Variants in CCSER1 observed in about 807,000 individuals in gnomAD.
The protein encoded by CCSER1 is serine-rich coiled-coil domain-containing protein 1.
CCSER1 carries 41 observed loss-of-function variants against 82.0 expected under a neutral mutation model. The ratio of observed to expected loss-of-function variants is 0.50; its 90% CI spans 0.39 to 0.65. The LOEUF (loss-of-function observed/expected upper bound fraction) is 0.65, where lower values mean the gene tolerates loss of function less well. Ranked by LOEUF, CCSER1 falls within the 30% of genes least tolerant of loss-of-function variation. The pLI, the probability that CCSER1 is intolerant of heterozygous loss-of-function variation, is 0.00. For synonymous variants in CCSER1, 414 were observed against 383.9 expected (o/e 1.08, Z -0.92); for missense variants, 1,119 against 1,064.2 (o/e 1.05, Z -0.72).
At chr4:90,181,063 C>T (rs900836435) in intron 1 of CCSER1, among the ~76,000 whole-genome samples, 2 of 152,062 alleles carry the variant, frequency 1.3e-5, no homozygotes, top group African/African-American at 4.8e-5. Context: ...ACATTCAAAA[C>T]ATTTAGAAAA....
At chr4:90,874,973 G>T (rs1767011077) in intron 8 of CCSER1, among the ~76,000 whole-genome samples, 1 of 152,134 alleles carries the variant, frequency 6.6e-6, no homozygotes, top group South Asian at 2.1e-4. Flanking sequence ...TTGAATCTGG[G>T]AGGCGGAGGT....
intron 1 of CCSER1, among the ~76,000 whole-genome samples, chr4:90,131,247 C>T (rs1020391551): frequency 2.0e-5 from 3 of 152,356 alleles, no homozygotes; most frequent in East Asian, 1.9e-4. Context: ...TTGATCCACT[C>T]TCCTCGGCCT....
At position 90,923,382 on chromosome 4, in the gene CCSER1, C is replaced by T. The variant is rs1728662460; in HGVS notation, c.2107C>T (p.His703Tyr). The change falls in exon 9 of 11, where the codon CAT becomes TAT. Residue 703 changes from histidine (H) to tyrosine (Y), a missense_variant. His to Tyr is a moderately conservative substitution (Grantham distance 83, BLOSUM62 2). Transcript: ENST00000509176. The part of the protein sequence containing the change: ...QLQEELGKVR[H>Y]LQKAFASRVD... Reference sequence around the variant, plus strand: ...TTTCATTTTGCAGGGAAAAGTCCGGCATTTACAGAAGGCTTTTGCTTCAAG... The same window carrying T: ...TTTCATTTTGCAGGGAAAAGTCCGGTATTTACAGAAGGCTTTTGCTTCAAG... 6.4e-7 allele frequency: 1 copy of T among 1,551,292 alleles called. No individual in the cohort carries two copies. Among genetic ancestry groups the T allele is most frequent in the South Asian group, 1.2e-5 (1 of 84,052 alleles).
intron 1 of CCSER1, among the ~76,000 whole-genome samples, chr4:90,228,323 C>A (rs1743659841): frequency 6.6e-6 from 1 of 152,180 alleles, no homozygotes; most frequent in South Asian, 2.1e-4. Context: ...CCCCTGACCC[C>A]CGAGCAGCCT....
chr4:91,598,446 T>G, intron 10 of CCSER1, 126 bp from the exon 11 acceptor site: 1 of 988,638 alleles, frequency 1.0e-6, no homozygotes, highest in Non-Finnish European at 1.4e-6. Flanking sequence ...ATTGTATTGA[T>G]AATTTTATAA....
intron 6 of CCSER1, among the ~76,000 whole-genome samples, chr4:90,669,013 A>G (rs554176390): frequency 3.3e-5 from 5 of 152,218 alleles, no homozygotes; most frequent in Non-Finnish European, 7.4e-5. Context: ...AAGTCCAAGA[A>G]GAGAGAGATT....
intron 10 of CCSER1, among the ~76,000 whole-genome samples, chr4:91,490,186 T>C (rs1017249253): frequency 2.0e-5 from 3 of 152,128 alleles, no homozygotes; most frequent in African/African-American, 7.2e-5. Flanking sequence ...GTGTGAAGCT[T>C]CCTCAAACAA....
intron 3 of CCSER1, among the ~76,000 whole-genome samples, chr4:90,343,481 A>T (rs952758599): frequency 1.3e-5 from 2 of 152,178 alleles, no homozygotes; most frequent in South Asian, 2.1e-4. Context: ...GCTGGGTGGT[A>T]GTGGAGCGCG....
intron 10 of CCSER1, among the ~76,000 whole-genome samples, chr4:91,140,480 T>C (rs1728918575): frequency 6.6e-6 from 1 of 152,130 alleles, no homozygotes; most frequent in African/African-American, 2.4e-5. Flanking sequence ...ATATTTTGGC[T>C]ATTAGAATAT....
intron 10 of CCSER1, among the ~76,000 whole-genome samples, chr4:91,208,036 AG>A (rs1487307338): frequency 1.3e-5 from 2 of 151,896 alleles, no homozygotes; most frequent in Non-Finnish European, 2.9e-5. Flanking sequence ...TCTTTTTAAA[AG>A]TGTCTGTTCA....
At chr4:90,932,962 GAA>G (rs1431900677) in intron 9 of CCSER1, among the ~76,000 whole-genome samples, 383 of 34,814 alleles carry the variant, frequency 0.011, 72 homozygotes, top group African/African-American at 0.032. Context: ...AAGAAAGAAA[GAA>G]AGAAAGAAAG....
At chr4:91,511,196 G>A (rs1173585026) in intron 10 of CCSER1, among the ~76,000 whole-genome samples, 1 of 152,014 alleles carries the variant, frequency 6.6e-6, no homozygotes, top group African/African-American at 2.4e-5. Flanking sequence ...CTCTGTTTCA[G>A]TACTAGTACC....
At chr4:90,623,574 T>C (rs1462993713) in intron 5 of CCSER1, among the ~76,000 whole-genome samples, 1 of 152,234 alleles carries the variant, frequency 6.6e-6, no homozygotes, top group Non-Finnish European at 1.5e-5. Flanking sequence ...ATATCACAGG[T>C]AGTGGTGAAA....
At chr4:90,132,241 C>T (rs932781670) in intron 1 of CCSER1, among the ~76,000 whole-genome samples, 1 of 152,144 alleles carries the variant, frequency 6.6e-6, no homozygotes, top group Non-Finnish European at 1.5e-5. Flanking sequence ...TGGTTTTGGA[C>T]TATATGTCAC....
intron 10 of CCSER1, among the ~76,000 whole-genome samples, chr4:91,179,787 T>A (rs1230600940): frequency 6.6e-6 from 1 of 152,258 alleles, no homozygotes; most frequent in Non-Finnish European, 1.5e-5. Flanking sequence ...TTACAGATTG[T>A]CTGAAGCCTT....
At chr4:91,555,765 A>T (rs921261521) in intron 10 of CCSER1, among the ~76,000 whole-genome samples, 2 of 151,052 alleles carry the variant, frequency 1.3e-5, no homozygotes, top group African/African-American at 4.9e-5. Flanking sequence ...ACTTTTTTGC[A>T]ATGTATCTTT....
intron 10 of CCSER1, among the ~76,000 whole-genome samples, chr4:91,144,766 G>A (rs1729383988): frequency 6.6e-6 from 1 of 151,598 alleles, no homozygotes; most frequent in African/African-American, 2.4e-5. Context: ...GTAATTGCAT[G>A]GTTTTTCAGA....
rs559037637 is a variant in CCSER1 at position 90,363,148 on chromosome 4, C to A, written c.1510-36888C>A. Among the ~76,000 whole-genome samples the A allele has an allele frequency of 2.4e-4, 37 of 152,086 alleles. 1 individual carries two copies. The highest frequency in any genetic ancestry group is 3.4e-3 in the Middle Eastern group (1 of 294). ...ATGGCAAAGCTGAGACAAATATGAA[C>A]AAAGGAACATAGAGTCGAAATAGCT... On this transcript the variant is annotated intron_variant, in intron 3 of 10. Transcript: ENST00000509176.
intron 10 of CCSER1, among the ~76,000 whole-genome samples, chr4:91,208,789 T>C (rs1004238355): frequency 6.6e-6 from 1 of 152,040 alleles, no homozygotes; most frequent in Non-Finnish European, 1.5e-5. Flanking sequence ...ATTAAATCTA[T>C]AAATTGCTTT....
Sources: allele counts gnomAD v4.1 joint callset (sites outside exome capture counted in the v4.1 genomes callset), GRCh38; gene constraint gnomAD v4.1.1; transcripts MANE v1.5; gene names NCBI Gene and HGNC (gene_info 2026-07-23, HGNC 2026-07-21).